Variants in CHRND observed in about 807,000 individuals in gnomAD.
The protein encoded by CHRND is cholinergic receptor nicotinic delta subunit.
Under a neutral mutation model 57.8 loss-of-function variants are expected in CHRND, and 40 were observed. The observed-to-expected ratio is 0.69, with a 90% CI of 0.54 to 0.90. The LOEUF (loss-of-function observed/expected upper bound fraction) is 0.90. Ranked by LOEUF, CHRND falls within the 40% of genes least tolerant of loss-of-function variation. CHRND has a pLI of 0.00. For synonymous variants in CHRND, 237 were observed against 270.6 expected, an observed-to-expected ratio of 0.88 and a Z score of 1.22; for missense variants, 634 against 673.9, an observed-to-expected ratio of 0.94 and a Z score of 0.66.
intron 11 of CHRND, 22 bp from the exon 12 acceptor site, chr2:232,535,108 C>T (rs775947304): frequency 1.2e-6 from 2 of 1,613,366 alleles, no homozygotes; most frequent in Non-Finnish European, 1.7e-6. Flanking sequence ...TCTCACCCCA[C>T]TCTCTCTGCC....
intron 4 of CHRND, 22 bp from the exon 5 acceptor site, chr2:232,528,479 G>A: frequency 1.2e-6 from 2 of 1,614,026 alleles, no homozygotes; most frequent in South Asian, 1.1e-5. Context: ...AGCTCACTAT[G>A]GTTCTTGTCC....
intron 9 of CHRND, 33 bp from the exon 10 acceptor site, chr2:232,533,898 C>T (rs752775154): frequency 3.7e-6 from 6 of 1,602,866 alleles, no homozygotes; most frequent in Non-Finnish European, 5.1e-6. Context: ...CAAAAAACAA[C>T]GCCTTTCTTG....
At chr2:232,531,854 G>A (rs931482105) in intron 9 of CHRND, among the ~76,000 whole-genome samples, 198 bp downstream of exon 9, 1 of 150,314 alleles carries the variant, frequency 6.7e-6, no homozygotes, top group Non-Finnish European at 1.5e-5. Context: ...AAGAGGCTGA[G>A]GTGGATCACT....
At position 232,526,508 on chromosome 2, in the gene CHRND, C is replaced by T. The variant is rs200197532; in HGVS notation, c.53-21C>T. 1.9e-5 allele frequency: 31 copies of T among 1,613,428 alleles called. No homozygotes were observed. In the Admixed American group the frequency reaches 2.3e-4, roughly 12 times the overall value. On this transcript the variant is annotated intron_variant, in intron 1 of 11. Transcript: ENST00000258385. ...CCCCTGCCCAGGGCCCCATTCAGTC[C>T]TTGTCGCTGACCCTCCCCAGGCAGC... is the stretch of plus-strand genomic sequence containing the variant.
rs1438070956 is a variant in CHRND, at chr2:232,526,181, G to A, written c.-35G>A. ...CCTCATTCCACAGCCCTGTAGACAG[G>A]AGGGGCAGATGCACGTCCCAGTCAG... On this transcript the variant is annotated 5_prime_UTR_variant, in exon 1 of 12. Coordinates refer to ENST00000258385, the MANE Select transcript of CHRND (RefSeq NM_000751.3). 3.7e-6 allele frequency: 6 copies of A among 1,609,498 alleles called. No homozygotes were observed. The highest frequency in any genetic ancestry group is 5.1e-6 in the Non-Finnish European group (6 of 1,176,354).
At chr2:232,534,950 C>T (rs1292241810) in intron 11 of CHRND, among the ~76,000 whole-genome samples, 180 bp from the exon 12 acceptor site, 1 of 152,238 alleles carries the variant, frequency 6.6e-6, no homozygotes, top group Non-Finnish European at 1.5e-5. Context: ...ATCAGCCCTG[C>T]CTGTGGCCAG....
chr2:232,535,408 C>T lies in CHRND; in HGVS notation c.*96C>T. On this transcript the variant is annotated 3_prime_UTR_variant, in exon 12 of 12. Transcript: ENST00000258385. Reference sequence around the variant, plus strand: ...TCCTAGCCCTGAGGCTCGTGCCCCTCAGACTGGGGAAGAGTCCAAGGAAGG... The same window carrying T: ...TCCTAGCCCTGAGGCTCGTGCCCCTTAGACTGGGGAAGAGTCCAAGGAAGG... The T allele has an allele frequency of 6.8e-7, 1 of 1,460,912 alleles. No homozygotes were observed. Among genetic ancestry groups the T allele is most frequent in the Non-Finnish European group, 9.4e-7 (1 of 1,058,856 alleles). 90.5% of individuals were successfully genotyped at this position (1,460,912 alleles called of 1,614,324 possible). A position where few individuals can be genotyped will look rare whatever the true frequency, so the allele number is the denominator to read the frequency against.
chr2:232,531,946 CAAAAAAAAAAAA>C (rs778006115), intron 9 of CHRND, among the ~76,000 whole-genome samples: 13 of 46,064 alleles, frequency 2.8e-4, no homozygotes, highest in African/African-American at 1.2e-3. Context: ...GACCTTGTCT[CAAAAAAAAAAAA>C]AAAAAAAAAA....
chr2:232,530,686 T>A (rs1280177521), intron 7 of CHRND, among the ~76,000 whole-genome samples: 1 of 152,096 alleles, frequency 6.6e-6, no homozygotes, highest in Non-Finnish European at 1.5e-5. Context: ...GCACCTTCCA[T>A]CTGCAGTGGG....
rs1574628168 is a variant in CHRND at position 232,526,874 on chromosome 2, C to T, written c.198+200C>T. On this transcript the variant is annotated intron_variant, in intron 2 of 11. Transcript: ENST00000258385. ...AGCTCTGCGGTGTCCCCCAACCACA[C>T]CCATAGCATGCCCCATCTGTGACAC... is the stretch of plus-strand genomic sequence containing the variant. 2.0e-5 allele frequency among the ~76,000 whole-genome samples: 3 copies of T among 152,322 alleles called. No homozygotes were observed. In the East Asian group the frequency reaches 5.8e-4, roughly 29 times the overall value.
chr2:232,529,080 C>T lies in CHRND; in HGVS notation c.619+109C>T, dbSNP rs1691589734. On this transcript the variant is annotated intron_variant, in intron 6 of 11. Transcript: ENST00000258385. ...CGTGCACACACACACACACTTAGGA[C>T]ACCAATACACAGCTCCTCACACACG... 5.3e-6 allele frequency: 4 copies of T among 760,602 alleles called. No homozygotes were observed. The South Asian group carries it at 5.8e-5, about 11-fold the overall frequency. The allele number at this position is 760,602 out of a possible 1,614,324, so 47.1% of individuals were successfully genotyped here. A position where few individuals can be genotyped will look rare whatever the true frequency, so the allele number is the denominator to read the frequency against.
chr2:232,530,872 G>C (rs1691664591), intron 7 of CHRND, among the ~76,000 whole-genome samples: 1 of 152,190 alleles, frequency 6.6e-6, no homozygotes, highest in Admixed American at 6.5e-5. Flanking sequence ...GCTCAGGTGG[G>C]AAGAGCAAGA....
In CHRND at chr2:232,526,464, G is replaced by C. The variant is rs556184561; in HGVS notation, c.53-65G>C. 118 of 1,610,506 alleles carry C rather than the reference G, an allele frequency of 7.3e-5. 1 individual carries two copies. In the Middle Eastern group the frequency reaches 7.6e-4, roughly 10 times the overall value. On this transcript the variant is annotated intron_variant, in intron 1 of 11. Coordinates refer to ENST00000258385, the MANE Select transcript of CHRND (RefSeq NM_000751.3). ...ACCTCATGGTCCAGCAGGACCTCAGGGCAGCTTCCTTCCTGAGTCCCCTGC... is the reference window on the plus strand; with the variant it reads ...ACCTCATGGTCCAGCAGGACCTCAGCGCAGCTTCCTTCCTGAGTCCCCTGC...
rs368375643 is a variant in CHRND, at chr2:232,526,376, G to C, written c.52+109G>C. 7.6e-5 allele frequency: 115 copies of C among 1,512,066 alleles called. No individual in the cohort carries two copies. In the East Asian group the frequency reaches 1.7e-3, roughly 23 times the overall value. 93.7% of individuals were successfully genotyped at this position (1,512,066 alleles called of 1,614,324 possible). ...CTCCCACTCTGCCATCTCTCCCTGT[G>C]GGGGGCCGCCTTCTGGGGTCCCCAC... On this transcript the variant is annotated intron_variant, in intron 1 of 11. Transcript: ENST00000258385.
intron 9 of CHRND, among the ~76,000 whole-genome samples, chr2:232,532,476 CAAAAAAA>C (rs578172115): frequency 4.3e-5 from 4 of 92,550 alleles, no homozygotes; most frequent in South Asian, 3.8e-4. Context: ...ACTCTGTCTC[CAAAAAAA>C]AAAAAAAAAA....
Position 232,535,767 on chromosome 2 carries a change from G to A in CHRND, c.*455G>A, listed in dbSNP as rs538087816. The A allele has an allele frequency of 1.1e-5, 5 of 455,728 alleles. No homozygotes were observed. The highest frequency in any genetic ancestry group is 6.9e-5 in the East Asian group (1 of 14,436). The allele number at this position is 455,728 out of a possible 1,614,324, so 28.2% of individuals were successfully genotyped here. The stretch of plus-strand genomic sequence containing the variant: ...CCTCAGGCTTCTGAGGCCTCACCTG[G>A]GACTGAGGTTGAGGACACCTCCCTC... On this transcript the variant is annotated 3_prime_UTR_variant, in exon 12 of 12. Coordinates refer to ENST00000258385, the MANE Select transcript of CHRND (RefSeq NM_000751.3).
chr2:232,528,885 A>C lies in CHRND; in HGVS notation c.533A>C (p.Glu178Ala), dbSNP rs542262758. 8.1e-6 allele frequency: 13 copies of C among 1,614,050 alleles called. No individual in the cohort carries two copies. The South Asian group carries it at 1.4e-4, about 18-fold the overall frequency. Reference protein sequence around the residue: ...KFSSLKYTAKEITLSLKQDAK... With the variant: ...KFSSLKYTAKAITLSLKQDAK... ...AGTTCCCTCAAGTATACGGCCAAAG[A>C]GATCACCCTGAGCCTGAAACAGGAT... Residue 178 changes from glutamate to alanine, a missense_variant, in exon 6 of 12, where the codon GAG becomes GCG. Glu to Ala is a moderately radical substitution (Grantham distance 107). Coordinates refer to ENST00000258385, the MANE Select transcript of CHRND (RefSeq NM_000751.3).
chr2:232,530,208 T>C, intron 7 of CHRND, 69 bp downstream of exon 7: 1 of 1,512,544 alleles, frequency 6.6e-7, no homozygotes. Flanking sequence ...GCCCCAGCCC[T>C]GCCCCCTCAC....
Position 232,533,997 on chromosome 2 carries a change from G to A in CHRND, c.1114G>A (p.Gly372Arg), listed in dbSNP as rs1273108752. The A allele has an allele frequency of 6.2e-7, 1 of 1,613,932 alleles. No homozygotes were observed. Among genetic ancestry groups the A allele is most frequent in the Non-Finnish European group, 8.5e-7 (1 of 1,180,032 alleles). ...CCCAGCAGAGGATGGACCCAGCCCT[G>A]GGGCCCTGGTGCGGAGGAGCAGCTC... ...SRPAEDGPSPGALVRRSSSLG... is the reference protein window; with the variant it reads ...SRPAEDGPSPRALVRRSSSLG... The change falls in exon 10 of 12, where the codon GGG becomes AGG. Residue 372 changes from glycine (G) to arginine (R), a missense_variant. Physicochemically the swap from Gly to Arg is moderately radical, Grantham distance 125. Transcript: ENST00000258385.
Sources: gnomAD v4.1 joint callset for allele counts (sites outside exome capture counted in the v4.1 genomes callset) on GRCh38, gnomAD v4.1.1 for gene constraint, MANE v1.5 for transcripts, NCBI Gene and HGNC (gene_info 2026-07-23, HGNC 2026-07-21) for gene names.